The following AKNAD1 variants were observed in gnomAD, a reference collection of about 807,000 sequenced individuals.
AKNAD1 encodes the protein protein AKNAD1.
A neutral mutation model predicts 90.8 loss-of-function variants in AKNAD1; 67 were observed. That is an observed-to-expected ratio of 0.74 (90% CI 0.61 to 0.90). AKNAD1 has a LOEUF of 0.90. Ranked by LOEUF, AKNAD1 falls within the 40% of genes least tolerant of loss-of-function variation. The pLI is 0.00. For missense variants in AKNAD1, 957 were observed against 975.4 expected (o/e 0.98, Z 0.25); for synonymous variants, 327 against 341.4 (o/e 0.96, Z 0.46).
intron 10 of AKNAD1, 49 bp downstream of exon 10, chr1:108,830,510 A>C: frequency 6.4e-7 from 1 of 1,570,794 alleles, no homozygotes; most frequent in Non-Finnish European, 8.8e-7. Context: ...TTACTATGCC[A>C]GGACTGACTC....
At chr1:108,854,546 G>A (rs565949033) in intron 1 of AKNAD1, among the ~76,000 whole-genome samples, 3 of 152,328 alleles carry the variant, frequency 2.0e-5, no homozygotes, top group South Asian at 2.1e-4. Flanking sequence ...TGTGGTAAAA[G>A]CATCTGTGAG....
intron 3 of AKNAD1, 50 bp from the exon 4 acceptor site, chr1:108,849,110 A>G (rs1177497360): frequency 6.8e-6 from 10 of 1,463,210 alleles, no homozygotes; most frequent in Non-Finnish European, 9.1e-6. Flanking sequence ...AACTTATCAC[A>G]GTTTTATTAA....
At chr1:108,837,920 T>G (rs1034480817) in intron 6 of AKNAD1, among the ~76,000 whole-genome samples, 1 of 152,220 alleles carries the variant, frequency 6.6e-6, no homozygotes, top group Non-Finnish European at 1.5e-5. Context: ...TATCCTTGTA[T>G]AAATCACTTA....
chr1:108,837,725 A>C lies in AKNAD1; in HGVS notation c.1380-19T>G, dbSNP rs1664428918. 1 of 1,613,316 alleles carries C rather than the reference A, an allele frequency of 6.2e-7. No homozygotes were observed. The highest frequency in any genetic ancestry group is 8.5e-7 in the Non-Finnish European group (1 of 1,179,606). ...CACTTTTCTAAGTAAACATAAACAC[A>C]CAGGCATCTTCTGGGCTATGTGGTT... On this transcript the variant is annotated intron_variant, in intron 6 of 15. Coordinates refer to ENST00000370001, the MANE Select transcript of AKNAD1 (RefSeq NM_152763.5).
At chr1:108,819,336 G>T (rs1346920071) in intron 14 of AKNAD1, among the ~76,000 whole-genome samples, 1 of 152,002 alleles carries the variant, frequency 6.6e-6, no homozygotes, top group African/African-American at 2.4e-5. Flanking sequence ...TTAATTGGGT[G>T]GGCCTGCCAC....
intron 9 of AKNAD1, among the ~76,000 whole-genome samples, chr1:108,833,580 C>CA (rs1003836362): frequency 0.023 from 3,260 of 141,282 alleles, 103 homozygotes; most frequent in African/African-American, 0.073. Context: ...GAGACTGTCT[C>CA]AAAAAAAAAA....
chr1:108,827,528 A>T lies in AKNAD1; in HGVS notation c.1839-226T>A, dbSNP rs967396692. Among the ~76,000 whole-genome samples, 3 of 151,778 alleles carry T rather than the reference A, an allele frequency of 2.0e-5. 1 individual carries two copies. In the East Asian group the frequency reaches 6.0e-4, roughly 30 times the overall value. ...TTGGCCTGATAAGAAAATGTATACA[A>T]GACAGGCCAGGCGCGGTGGCTCACG... On this transcript the variant is annotated intron_variant, in intron 10 of 15. Coordinates refer to ENST00000370001, the MANE Select transcript of AKNAD1 (RefSeq NM_152763.5).
intron 1 of AKNAD1, among the ~76,000 whole-genome samples, chr1:108,856,271 A>G (rs965849375): frequency 6.6e-6 from 1 of 152,106 alleles, no homozygotes; most frequent in Non-Finnish European, 1.5e-5. Context: ...CTTTCTTTAC[A>G]TTTTCAGGAG....
At chr1:108,824,399 C>CTAACCCTAACCCTAACCCT (rs749047619) in intron 11 of AKNAD1, among the ~76,000 whole-genome samples, 7 of 151,862 alleles carry the variant, frequency 4.6e-5, no homozygotes, top group Admixed American at 1.3e-4. Context: ...TTACTGAACT[C>CTAACCCTAACCCTAACCCT]ATGGTTAGAC....
At position 108,827,204 on chromosome 1, in the gene AKNAD1, C is replaced by G; in HGVS notation, c.1936+1G>C. The stretch of plus-strand genomic sequence containing the variant: ...CACCCAGCCCAAGCCCATCAACTTA[C>G]TGGGAGTTGAATCTGAGTGTGGTGC... On this transcript the variant is annotated splice_donor_variant, in intron 11 of 15. Coordinates refer to ENST00000370001, the MANE Select transcript of AKNAD1 (RefSeq NM_152763.5). LOFTEE classifies it high-confidence loss of function. 6.2e-7 allele frequency: 1 copy of G among 1,608,250 alleles called. No homozygotes were observed. Among genetic ancestry groups the G allele is most frequent in the Non-Finnish European group, 8.5e-7 (1 of 1,176,606 alleles).
At position 108,835,022 on chromosome 1, in the gene AKNAD1, G is replaced by T; in HGVS notation, c.1571C>A (p.Pro524His). Residue 524 changes from proline to histidine, a missense_variant, in exon 8 of 16, where the codon CCT (proline) becomes CAT (histidine). Coordinates refer to ENST00000370001, the MANE Select transcript of AKNAD1 (RefSeq NM_152763.5). ...PKEHPGHPSG[P>H]RGSGGSEVTG... is the part of the protein sequence containing the mutation. ...TACCTCACTCCCACCTGAGCCTCGA[G>T]GCCCAGAAGGGTGGCCGGGGTGCTC... The T allele has an allele frequency of 6.4e-7, 1 of 1,569,590 alleles. No individual in the cohort carries two copies. Among genetic ancestry groups the T allele is most frequent in the Admixed American group, 2.1e-5 (1 of 48,426 alleles).
intron 10 of AKNAD1, among the ~76,000 whole-genome samples, chr1:108,830,328 G>A (rs529690017): frequency 3.1e-4 from 47 of 152,316 alleles, no homozygotes; most frequent in Non-Finnish European, 6.3e-4. Flanking sequence ...ATGGAGGCAT[G>A]TGCATGATTG....
chr1:108,844,377 C>CATATATATATATATAT (rs35559697), intron 5 of AKNAD1, among the ~76,000 whole-genome samples: 23 of 145,116 alleles, frequency 1.6e-4, no homozygotes, highest in African/African-American at 5.9e-4. Flanking sequence ...TCTCTCTCTC[C>CATATATATATATATAT]ATATATATAT....
chr1:108,817,226 C>T, intron 14 of AKNAD1, 49 bp from the exon 15 acceptor site: 1 of 1,608,988 alleles, frequency 6.2e-7, no homozygotes, highest in Non-Finnish European at 8.5e-7. Context: ...CACCCTCAAG[C>T]ACACTCCTGT....
Position 108,851,669 on chromosome 1 carries a change from T to C in AKNAD1, c.993+3A>G. The C allele has an allele frequency of 6.3e-7, 1 of 1,577,428 alleles. No homozygotes were observed. The highest frequency in any genetic ancestry group is 8.6e-7 in the Non-Finnish European group (1 of 1,166,568). ...TGTGTTTACAGGAGACTGTTTCATT[T>C]ACCTGGATTTGTTGTGAAGGTTCAG... is the stretch of plus-strand genomic sequence containing the variant. On this transcript the variant is annotated splice_donor_region_variant and intron_variant, in intron 2 of 15. Transcript: ENST00000370001.
chr1:108,831,612 T>C (rs1054199948), intron 9 of AKNAD1, among the ~76,000 whole-genome samples: 2 of 152,034 alleles, frequency 1.3e-5, no homozygotes, highest in African/African-American at 4.8e-5. Flanking sequence ...TGTTCCTATA[T>C]GCTGATTTAT....
At chr1:108,820,690 T>C in intron 13 of AKNAD1, 64 bp from the exon 14 acceptor site, 1 of 862,656 alleles carries the variant, frequency 1.2e-6, no homozygotes, top group Non-Finnish European at 1.9e-6. Context: ...GGTGCCTATG[T>C]ATCATTCCTT....
intron 14 of AKNAD1, among the ~76,000 whole-genome samples, chr1:108,819,117 A>G (rs1408603963): frequency 2.6e-5 from 4 of 152,120 alleles, no homozygotes; most frequent in Non-Finnish European, 4.4e-5. Flanking sequence ...TCTGTCTCTT[A>G]AATAGCTCTT....
At chr1:108,837,803 T>A in intron 6 of AKNAD1, 97 bp from the exon 7 acceptor site, 1 of 1,314,400 alleles carries the variant, frequency 7.6e-7, no homozygotes, top group Non-Finnish European at 1.1e-6. Context: ...TTTATATTAT[T>A]AATGTGGCCT....
Sources: allele counts gnomAD v4.1 joint callset (sites outside exome capture counted in the v4.1 genomes callset), GRCh38; gene constraint gnomAD v4.1.1; transcripts MANE v1.5; gene names NCBI Gene and HGNC (gene_info 2026-07-23, HGNC 2026-07-21).